Variants in OPCML observed in about 807,000 individuals in gnomAD.
OPCML encodes opioid-binding protein/cell adhesion molecule.
A neutral mutation model predicts 37.8 loss-of-function variants in OPCML; 13 were observed. The ratio of observed to expected loss-of-function variants is 0.34; its 90% CI spans 0.22 to 0.55. The LOEUF is 0.55. OPCML is among the 20% of genes least tolerant of loss of function. The pLI, the probability that OPCML is intolerant of heterozygous loss-of-function variation, is 0.91. For missense variants in OPCML, 341 were observed against 435.6 expected (o/e 0.78, Z 1.93); for synonymous variants, 176 against 168.8 (o/e 1.04, Z -0.33).
At position 133,457,190 on chromosome 11, in the gene OPCML, G is replaced by A. The variant is rs191729279; in HGVS notation, c.61+75074C>T. On this transcript the variant is annotated intron_variant, in intron 1 of 7. Transcript: ENST00000524381. ...TCAGCAAAAAAACTTACAGGCCAGA[G>A]AAAATTAGATGATATATTTAAGATG... 2.0e-3 allele frequency among the ~76,000 whole-genome samples: 304 copies of A among 152,252 alleles called. 3 individuals are homozygous for A. Among genetic ancestry groups the A allele is most frequent in the African/African-American group, 6.5e-3 (271 of 41,534 alleles).
At chr11:133,123,637 A>G (rs1949453789) in intron 1 of OPCML, among the ~76,000 whole-genome samples, 1 of 151,970 alleles carries the variant, frequency 6.6e-6, no homozygotes, top group South Asian at 2.1e-4. Flanking sequence ...AGGGGTCCAG[A>G]TGGATGGGTT....
intron 1 of OPCML, among the ~76,000 whole-genome samples, chr11:133,095,061 G>A (rs190040916): frequency 6.6e-6 from 1 of 151,998 alleles, no homozygotes; most frequent in South Asian, 2.1e-4. Flanking sequence ...AGTGTCGAGA[G>A]ATACTGGAGC....
chr11:133,285,357 C>A (rs1185523749), intron 1 of OPCML, among the ~76,000 whole-genome samples: 1 of 152,164 alleles, frequency 6.6e-6, no homozygotes, highest in Non-Finnish European at 1.5e-5. Context: ...CCTGTAGTGA[C>A]CTTAGAAATA....
At chr11:132,699,148 T>C (rs539101010) in intron 2 of OPCML, among the ~76,000 whole-genome samples, 44 of 152,202 alleles carry the variant, frequency 2.9e-4, no homozygotes, top group African/African-American at 1.1e-3. Flanking sequence ...TTCAACTTCT[T>C]TTTGATAGGT....
At chr11:133,347,427 C>G (rs1277717212) in intron 1 of OPCML, among the ~76,000 whole-genome samples, 1 of 152,118 alleles carries the variant, frequency 6.6e-6, no homozygotes, top group Non-Finnish European at 1.5e-5. Flanking sequence ...AGCAGGACTC[C>G]AAATTAAAAT....
intron 3 of OPCML, among the ~76,000 whole-genome samples, chr11:132,531,459 C>A (rs1351609396): frequency 6.6e-6 from 1 of 152,160 alleles, no homozygotes; most frequent in African/African-American, 2.4e-5. Flanking sequence ...AGAATTATGG[C>A]AAATGCTGAA....
At chr11:133,287,489 G>C (rs1942335353) in intron 1 of OPCML, among the ~76,000 whole-genome samples, 1 of 139,058 alleles carries the variant, frequency 7.2e-6, no homozygotes, top group Non-Finnish European at 1.5e-5. Context: ...CACCAGACCG[G>C]AAACAGTAAC....
intron 2 of OPCML, among the ~76,000 whole-genome samples, chr11:132,707,601 G>A (rs1480254622): frequency 6.6e-6 from 1 of 152,116 alleles, no homozygotes; most frequent in African/African-American, 2.4e-5. Flanking sequence ...CTGAGAAATG[G>A]TTCAAAGGGG....
At chr11:133,092,319 G>A (rs1948919191) in intron 1 of OPCML, among the ~76,000 whole-genome samples, 1 of 152,148 alleles carries the variant, frequency 6.6e-6, no homozygotes, top group African/African-American at 2.4e-5. Context: ...CACAGACCAA[G>A]GCAACTGATG....
intron 2 of OPCML, among the ~76,000 whole-genome samples, chr11:132,709,658 C>T (rs1178930059): frequency 1.3e-5 from 2 of 152,122 alleles, no homozygotes; most frequent in Admixed American, 6.5e-5. Flanking sequence ...CAGAATCCTC[C>T]ACCGTAAAGT....
intron 1 of OPCML, among the ~76,000 whole-genome samples, chr11:133,252,636 T>C (rs1941172712): frequency 6.6e-6 from 1 of 152,212 alleles, no homozygotes; most frequent in Non-Finnish European, 1.5e-5. Flanking sequence ...ATATTAGCTA[T>C]TGGGCTTTGC....
At chr11:133,098,194 G>T (rs1473508207) in intron 1 of OPCML, among the ~76,000 whole-genome samples, 2 of 151,234 alleles carry the variant, frequency 1.3e-5, no homozygotes, top group African/African-American at 2.4e-5. Flanking sequence ...TTTATCCCAG[G>T]TATGCAAGGC....
rs1334535106 is a variant in OPCML at position 133,208,559 on chromosome 11, C to T, written c.62-265549G>A. Among the ~76,000 whole-genome samples the T allele has an allele frequency of 6.6e-6, 1 of 152,210 alleles. No homozygotes were observed. Among genetic ancestry groups the T allele is most frequent in the East Asian group, 1.9e-4 (1 of 5,198 alleles). On this transcript the variant is annotated intron_variant, in intron 1 of 7. Transcript: ENST00000524381. This position sits in a 1 kb window ranked among gnomAD's most constrained non-coding sequence, Gnocchi z 8.9. Reference sequence around the variant, plus strand: ...ATATAATTCCAATGCTGGCTATCCACATATGTGTATTAGTGAAGTTGAAGC... The same window carrying T: ...ATATAATTCCAATGCTGGCTATCCATATATGTGTATTAGTGAAGTTGAAGC...
intron 3 of OPCML, among the ~76,000 whole-genome samples, chr11:132,582,445 C>A (rs1326370690): frequency 1.3e-5 from 2 of 152,022 alleles, no homozygotes; most frequent in African/African-American, 4.8e-5. Context: ...CCCAGTGATG[C>A]AAACAACAGC....
intron 1 of OPCML, among the ~76,000 whole-genome samples, chr11:133,083,301 G>A (rs775292785): frequency 4.1e-4 from 63 of 152,246 alleles, no homozygotes; most frequent in Non-Finnish European, 7.8e-4. Flanking sequence ...TCCCAGACCC[G>A]ACCCCTCTGA....
intron 1 of OPCML, among the ~76,000 whole-genome samples, chr11:133,140,610 G>T (rs1323076283): frequency 6.8e-6 from 1 of 146,500 alleles, no homozygotes; most frequent in African/African-American, 2.5e-5. Context: ...AGAAGAAAGA[G>T]AAGAAGAGGA....
chr11:132,957,369 G>A (rs760840663), intron 1 of OPCML, among the ~76,000 whole-genome samples: 6 of 152,120 alleles, frequency 3.9e-5, no homozygotes, highest in Non-Finnish European at 8.8e-5. Flanking sequence ...ACACGGGAGA[G>A]AAGCAGGATG....
intron 3 of OPCML, among the ~76,000 whole-genome samples, chr11:132,640,172 C>T (rs910524849): frequency 2.6e-5 from 4 of 152,276 alleles, no homozygotes; most frequent in Admixed American, 6.5e-5. Context: ...GGAGAAAGAG[C>T]GAGGCAGGAT....
chr11:133,256,411 G>A (rs1165253965), intron 1 of OPCML, among the ~76,000 whole-genome samples: 1 of 152,178 alleles, frequency 6.6e-6, no homozygotes, highest in Non-Finnish European at 1.5e-5. Flanking sequence ...TAATGTGTTT[G>A]TAATTATATG....
Sources: gnomAD v4.1 joint callset for allele counts (sites outside exome capture counted in the v4.1 genomes callset) on GRCh38, gnomAD v4.1.1 for gene constraint, Gnocchi (gnomAD v3.1) non-coding constraint, MANE v1.5 for transcripts, NCBI Gene and HGNC (gene_info 2026-07-23, HGNC 2026-07-21) for gene names.